TMEM255B: variants seen among roughly 807,000 people sequenced by gnomAD.
TMEM255B encodes family with sequence similarity 70, member B.
In TMEM255B, 35 loss-of-function variants were observed where a neutral mutation model predicts 34.5. That is an observed-to-expected ratio of 1.01 (90% CI 0.77 to 1.34). The LOEUF (loss-of-function observed/expected upper bound fraction) is 1.34, where lower values mean the gene tolerates loss of function less well. TMEM255B is among the 40% of genes most tolerant of loss of function. The pLI is 0.00. For missense variants in TMEM255B, 432 were observed against 433.2 expected (o/e 1.00, Z 0.02); for synonymous variants, 206 against 201.2 (o/e 1.02, Z -0.20).
intron 1 of TMEM255B, among the ~76,000 whole-genome samples, chr13:113,764,014 G>C (rs534406180): frequency 6.6e-6 from 1 of 152,374 alleles, no homozygotes; most frequent in African/African-American, 2.4e-5. Context: ...ATGCAGGGCA[G>C]GTGTCGGGTG....
At chr13:113,783,867 G>A (rs1403980506) in intron 3 of TMEM255B, among the ~76,000 whole-genome samples, 1 of 152,116 alleles carries the variant, frequency 6.6e-6, no homozygotes, top group African/African-American at 2.4e-5. Context: ...AGGGATTTCG[G>A]AGGAAGGGAA....
rs1566342443 is a variant in TMEM255B at position 113,813,000 on chromosome 13, T to TGGGTCACAGGC, written c.*1097_*1098insGGGTCACAGGC. The stretch of plus-strand genomic sequence containing the variant: ...TCACGGGTCCCGGGTGGGTCACGGG[T>TGGGTCACAGGC]CCCGAGTGGGTCACGGGTCCCGGGT... On this transcript the variant is annotated 3_prime_UTR_variant, in exon 9 of 9. Transcript: ENST00000375353. The TGGGTCACAGGC allele has an allele frequency of 1.9e-5, 2 of 106,832 alleles. No homozygotes were observed. The highest frequency in any genetic ancestry group is 9.8e-5 in the Admixed American group (1 of 10,230). The allele number at this position is 106,832 out of a possible 1,614,324, so 6.6% of individuals were successfully genotyped here.
chr13:113,811,761 C>T lies in TMEM255B; in HGVS notation c.839C>T (p.Pro280Leu), dbSNP rs149853103. 1.9e-6 allele frequency: 3 copies of T among 1,613,832 alleles called. No homozygotes were observed. The highest frequency in any genetic ancestry group is 1.7e-4 in the Middle Eastern group (1 of 6,046). Residue 280 changes from proline (P) to leucine (L), a missense_variant, in exon 9 of 9, where the codon CCC (proline) becomes CTC (leucine). By Grantham distance (98) the Pro-to-Leu change is moderately conservative. Coordinates refer to ENST00000375353, the MANE Select transcript of TMEM255B (RefSeq NM_182614.4). ...LQPCSRFPVA[P>L]SSALASSEDL... Reference sequence around the variant, plus strand: ...CCCTGCAGCCGCTTCCCAGTTGCGCCCTCCTCTGCCCTGGCTTCGTCTGAG... The same window carrying T: ...CCCTGCAGCCGCTTCCCAGTTGCGCTCTCCTCTGCCCTGGCTTCGTCTGAG...
At position 113,801,731 on chromosome 13, in the gene TMEM255B, C is replaced by G; in HGVS notation, c.588C>G (p.Leu196=). 3 of 1,613,252 alleles carry G rather than the reference C, an allele frequency of 1.9e-6. No individual in the cohort carries two copies. The highest frequency in any genetic ancestry group is 1.7e-6 in the Non-Finnish European group (2 of 1,179,812). Residue 196 remains leucine, a synonymous_variant, in exon 7 of 9, where the codon CTC becomes CTG. Transcript: ENST00000375353. Reference sequence around the variant, plus strand: ...ACGTGCTGCACCTGTACCGCCTGCTCTGGGCCTCTGCAGTTCTGAACGTCC... The same window carrying G: ...ACGTGCTGCACCTGTACCGCCTGCTGTGGGCCTCTGCAGTTCTGAACGTCC... ...CQDVLHLYRL[L]WASAVLNVLG... is the part of the protein sequence containing the mutation.
Position 113,806,465 on chromosome 13 carries a change from C to T in TMEM255B, c.813+1437C>T, listed in dbSNP as rs1284782727. 6.6e-6 allele frequency among the ~76,000 whole-genome samples: 1 copy of T among 152,148 alleles called. No individual in the cohort carries two copies. The highest frequency in any genetic ancestry group is 1.5e-5 in the Non-Finnish European group (1 of 68,012). The stretch of plus-strand genomic sequence containing the variant: ...CCCTGCACCTCATACCTCAGTCTCC[C>T]CTCTCACTTCGAATATAAAGCTGGG... On this transcript the variant is annotated intron_variant, in intron 8 of 8. Transcript: ENST00000375353. This position sits in a 1 kb window ranked among gnomAD's most constrained non-coding sequence, Gnocchi z 4.2.
chr13:113,777,192 G>A lies in TMEM255B; in HGVS notation c.252+8032G>A, dbSNP rs976804478. On this transcript the variant is annotated intron_variant, in intron 3 of 8. Transcript: ENST00000375353. Reference sequence around the variant, plus strand: ...ACTCCGCAGGGAGTTACATGTCACCGGAGCCTCGGCATCTGTTAGAAGATG... The same window carrying A: ...ACTCCGCAGGGAGTTACATGTCACCAGAGCCTCGGCATCTGTTAGAAGATG... 2.6e-5 allele frequency among the ~76,000 whole-genome samples: 4 copies of A among 152,022 alleles called. No homozygotes were observed. In the South Asian group the frequency reaches 8.3e-4, roughly 32 times the overall value.
chr13:113,765,215 C>A (rs1392111796), intron 1 of TMEM255B, among the ~76,000 whole-genome samples: 1 of 152,170 alleles, frequency 6.6e-6, no homozygotes, highest in African/African-American at 2.4e-5. Context: ...CTTGCTGGGT[C>A]AGCTGGATAA....
rs189305888 is a variant in TMEM255B at position 113,786,022 on chromosome 13, G to C, written c.253-9126G>C. Among the ~76,000 whole-genome samples, 5 of 152,306 alleles carry C rather than the reference G, an allele frequency of 3.3e-5. No homozygotes were observed. The East Asian group carries it at 9.7e-4, about 29-fold the overall frequency. On this transcript the variant is annotated intron_variant, in intron 3 of 8. Transcript: ENST00000375353. Reference sequence around the variant, plus strand: ...AAGCACACGAACATTCACACAACGTGGGGTAAATGCAGGCTGTGCATGGAC... The same window carrying C: ...AAGCACACGAACATTCACACAACGTCGGGTAAATGCAGGCTGTGCATGGAC...
In TMEM255B at chr13:113,767,630, T is replaced by C. The variant is rs753307073; in HGVS notation, c.189+1373T>C. 3.9e-5 allele frequency among the ~76,000 whole-genome samples: 6 copies of C among 152,358 alleles called. No homozygotes were observed. In the East Asian group the frequency reaches 9.6e-4, roughly 24 times the overall value. On this transcript the variant is annotated intron_variant, in intron 2 of 8. Transcript: ENST00000375353. ...ATGAATTAATGCTGTGCTGACCAGA[T>C]TGAAATGGCCTGTAGTACAGACAGT... is the stretch of plus-strand genomic sequence containing the variant.
chr13:113,791,075 C>T (rs991145589), intron 3 of TMEM255B, among the ~76,000 whole-genome samples: 8 of 152,184 alleles, frequency 5.3e-5, no homozygotes, highest in Non-Finnish European at 7.3e-5. Flanking sequence ...TCTAACAATT[C>T]GGTGCTTCTG....
Position 113,801,686 on chromosome 13 carries a change from C to T in TMEM255B, c.543C>T (p.Ile181=), listed in dbSNP as rs777104681. The T allele has an allele frequency of 6.8e-5, 110 of 1,611,938 alleles. No individual in the cohort carries two copies. Among genetic ancestry groups the T allele is most frequent in the South Asian group, 5.1e-4 (46 of 90,910 alleles). Residue 181 remains isoleucine (I), a synonymous_variant, in exon 7 of 9, where the codon ATC becomes ATT. Transcript: ENST00000375353. ...AEPSPAYYEF[I]GVSGCQDVLH... ...CCTCGCCCGCCTACTATGAGTTCAT[C>T]GGCGTCAGCGGCTGCCAGGACGTGC...
chr13:113,808,659 A>C (rs1012161770), intron 8 of TMEM255B, among the ~76,000 whole-genome samples: 1 of 131,776 alleles, frequency 7.6e-6, no homozygotes, highest in Non-Finnish European at 1.6e-5. Context: ...GTGATTCCTG[A>C]GGGTTTAACT....
Position 113,811,824 on chromosome 13 carries a change from G to C in TMEM255B, c.902G>C (p.Gly301Ala). Reference protein sequence around the residue: ...QPPSPSSSGSGLPGQAPPCYA... With the variant: ...QPPSPSSSGSALPGQAPPCYA... Reference sequence around the variant, plus strand: ...CCTTCTCCAAGCAGCTCTGGCTCTGGGCTTCCCGGCCAGGCTCCACCGTGC... The same window carrying C: ...CCTTCTCCAAGCAGCTCTGGCTCTGCGCTTCCCGGCCAGGCTCCACCGTGC... Residue 301 changes from glycine (G) to alanine (A), a missense_variant, in exon 9 of 9, where the codon GGG becomes GCG. Transcript: ENST00000375353. 1 of 1,613,914 alleles carries C rather than the reference G, an allele frequency of 6.2e-7. No homozygotes were observed. The highest frequency in any genetic ancestry group is 8.5e-7 in the Non-Finnish European group (1 of 1,179,876).
intron 1 of TMEM255B, among the ~76,000 whole-genome samples, chr13:113,759,913 G>C (rs978562157): frequency 7.2e-5 from 11 of 152,162 alleles, no homozygotes; most frequent in Admixed American, 6.5e-4. Context: ...CTCGGAGCCA[G>C]GCAAAGGCTG....
intron 3 of TMEM255B, among the ~76,000 whole-genome samples, chr13:113,794,631 A>G (rs559728637): frequency 6.6e-6 from 1 of 152,290 alleles, no homozygotes; most frequent in East Asian, 1.9e-4. Flanking sequence ...CCCGCTTTAT[A>G]GCAGAGTTTG....
chr13:113,792,412 G>GT (rs1441531002), intron 3 of TMEM255B, among the ~76,000 whole-genome samples: 2 of 152,220 alleles, frequency 1.3e-5, no homozygotes, highest in African/African-American at 4.8e-5. Flanking sequence ...CGTGGCCTCT[G>GT]CCCCACCTCA....
At chr13:113,766,337 TCACA>T in intron 2 of TMEM255B, 80 bp downstream of exon 2, 1 of 1,584,920 alleles carries the variant, frequency 6.3e-7, no homozygotes, top group Non-Finnish European at 8.6e-7. Flanking sequence ...CCACGCCAGC[TCACA>T]GGGCTGGGGC....
At chr13:113,772,475 A>G (rs1480112366) in intron 3 of TMEM255B, among the ~76,000 whole-genome samples, 3 of 152,238 alleles carry the variant, frequency 2.0e-5, no homozygotes, top group Non-Finnish European at 4.4e-5. Context: ...TAACTCTTCC[A>G]TCTGGGTCTG....
rs1254252325 is a variant in TMEM255B, at chr13:113,783,336, C to T, written c.253-11812C>T. On this transcript the variant is annotated intron_variant, in intron 3 of 8. Transcript: ENST00000375353. ...TTGGTAAGTCCAATCTGGATCTCTA[C>T]GGGGCCTGCATCGTTAGCCACTGGG... Among the ~76,000 whole-genome samples the T allele has an allele frequency of 5.3e-5, 8 of 152,154 alleles. No individual in the cohort carries two copies. The East Asian group carries it at 1.3e-3, about 26-fold the overall frequency.
Sources: allele counts gnomAD v4.1 joint callset (sites outside exome capture counted in the v4.1 genomes callset), GRCh38; gene constraint gnomAD v4.1.1; non-coding constraint Gnocchi (gnomAD v3.1); transcripts MANE v1.5; gene names NCBI Gene and HGNC (gene_info 2026-07-23, HGNC 2026-07-21).